The following OTOG variants were observed in gnomAD, a reference collection of about 807,000 sequenced individuals.
The protein encoded by OTOG is otogelin.
A neutral mutation model predicts 313.8 loss-of-function variants in OTOG; 296 were observed. The ratio of observed to expected loss-of-function variants is 0.94; its 90% CI spans 0.86 to 1.04. The LOEUF (loss-of-function observed/expected upper bound fraction) is 1.04, where lower values mean the gene tolerates loss of function less well. Among genes scored for constraint, OTOG ranks in the 50% least tolerant of loss-of-function variants. The pLI, the probability that OTOG is intolerant of heterozygous loss-of-function variation, is 0.00. For missense variants in OTOG, 3,948 were observed against 3,840.1 expected (o/e 1.03, Z -0.74); for synonymous variants, 1,533 against 1,554.9 (o/e 0.99, Z 0.33).
chr11:17,560,781 C>A lies in OTOG; in HGVS notation c.1415C>A (p.Pro472Gln). 6.4e-7 allele frequency: 1 copy of A among 1,550,788 alleles called. No homozygotes were observed. Among genetic ancestry groups the A allele is most frequent in the East Asian group, 2.4e-5 (1 of 40,916 alleles). ...CPCEFHGTLYPPGSVVKEDCN... is the reference protein window; with the variant it reads ...CPCEFHGTLYQPGSVVKEDCN... ...TGTGAGTTTCACGGGACTCTGTACC[C>A]ACCTGGCTCTGTGGTGAAGGAAGAC... The change falls in exon 13 of 56, where the codon CCA (proline) becomes CAA (glutamine). Residue 472 changes from proline (P) to glutamine (Q), a missense_variant. Coordinates refer to ENST00000399397, the MANE Select transcript of OTOG (RefSeq NM_001292063.2).
intron 39 of OTOG, among the ~76,000 whole-genome samples, chr11:17,626,948 G>C (rs1441999446): frequency 6.6e-6 from 1 of 152,284 alleles, no homozygotes; most frequent in South Asian, 2.1e-4. Context: ...AAATGCTACT[G>C]ATTTTTCTAT....
chr11:17,564,015 A>G (rs1178104896), intron 15 of OTOG, among the ~76,000 whole-genome samples: 1 of 151,984 alleles, frequency 6.6e-6, no homozygotes, highest in East Asian at 1.9e-4. Flanking sequence ...TCTCTCTACC[A>G]TGTCTCTGAT....
rs1429660705 is a variant in OTOG at position 17,578,507 on chromosome 11, G to A, written c.2740G>A (p.Gly914Ser). ...SVSARGPCLS[G>S]CACPQGLLRH... ...GTCAGCCCGTGGCCCCTGCCTCTCG[G>A]GCTGCGCCTGTCCCCAGGGGTAAGT... The change falls in exon 23 of 56, where the codon GGC becomes AGC. Residue 914 changes from glycine (G) to serine (S), a missense_variant. Coordinates refer to ENST00000399397, the MANE Select transcript of OTOG (RefSeq NM_001292063.2). The A allele has an allele frequency of 1.3e-6, 2 of 1,537,126 alleles. No individual in the cohort carries two copies. Among genetic ancestry groups the A allele is most frequent in the Non-Finnish European group, 1.7e-6 (2 of 1,146,228 alleles).
At chr11:17,645,482 T>C (rs1848054400) in intron 54 of OTOG, 82 bp from the exon 55 acceptor site, 2 of 1,318,148 alleles carry the variant, frequency 1.5e-6, no homozygotes, top group African/African-American at 1.5e-5. Context: ...AGCATGACAC[T>C]AACTGCCCTG....
At chr11:17,574,002 C>T (rs1359031542) in intron 19 of OTOG, among the ~76,000 whole-genome samples, 1 of 152,216 alleles carries the variant, frequency 6.6e-6, no homozygotes, top group Non-Finnish European at 1.5e-5. Context: ...TCAAAAGATT[C>T]ACACATCTGG....
Position 17,610,153 on chromosome 11 carries a change from A to G in OTOG, c.4853A>G (p.Lys1618Arg). ...PPAPRFPLMT[K>R]AVTVRGHGSL... is the part of the protein sequence containing the mutation. ...GCCCCTCGCTTCCCGCTCATGACCA[A>G]GGCTGTGACAGTCCGAGGCCATGGC... Residue 1618 changes from lysine to arginine, a missense_variant, in exon 36 of 56, where the codon AAG becomes AGG. Physicochemically the swap from Lys to Arg is conservative, Grantham distance 26 (BLOSUM62 2). Transcript: ENST00000399397. 3.2e-6 allele frequency: 5 copies of G among 1,550,500 alleles called. No homozygotes were observed. Among genetic ancestry groups the G allele is most frequent in the Non-Finnish European group, 4.4e-6 (5 of 1,146,964 alleles).
intron 34 of OTOG, among the ~76,000 whole-genome samples, chr11:17,608,709 G>A (rs886269259): frequency 2.0e-5 from 3 of 152,160 alleles, no homozygotes; most frequent in Non-Finnish European, 2.9e-5. Context: ...CATGTGTGAG[G>A]GTGTATTCAC....
chr11:17,612,936 A>T (rs1853598474), intron 38 of OTOG, among the ~76,000 whole-genome samples, 171 bp downstream of exon 38: 1 of 152,100 alleles, frequency 6.6e-6, no homozygotes, highest in Non-Finnish European at 1.5e-5. Context: ...GCTCCCTTGG[A>T]GGCTGGGGAA....
At chr11:17,622,295 C>G (rs1323851207) in intron 39 of OTOG, among the ~76,000 whole-genome samples, 1 of 152,144 alleles carries the variant, frequency 6.6e-6, no homozygotes, top group African/African-American at 2.4e-5. Flanking sequence ...GATTTTGACA[C>G]AGGCATTCAA....
chr11:17,588,998 T>A (rs1311605323), intron 24 of OTOG, among the ~76,000 whole-genome samples: 1 of 152,130 alleles, frequency 6.6e-6, no homozygotes, highest in Non-Finnish European at 1.5e-5. Flanking sequence ...CCCTTTTACC[T>A]CAACCTGTGG....
At position 17,575,621 on chromosome 11, in the gene OTOG, G is replaced by T. The variant is rs144917080; in HGVS notation, c.2486+709G>T. Among the ~76,000 whole-genome samples the T allele has an allele frequency of 3.2e-4, 49 of 152,298 alleles. 1 individual carries two copies. Among genetic ancestry groups the T allele is most frequent in the Admixed American group, 5.9e-4 (9 of 15,300 alleles). The stretch of plus-strand genomic sequence containing the variant: ...TGGCAAGGTCCTTGGTCCCTTCCAG[G>T]CCTCTGTTTCTCCGTCTGTAAAATG... On this transcript the variant is annotated intron_variant, in intron 20 of 55. Coordinates refer to ENST00000399397, the MANE Select transcript of OTOG (RefSeq NM_001292063.2).
intron 39 of OTOG, among the ~76,000 whole-genome samples, chr11:17,620,991 C>T (rs1361833174): frequency 6.6e-6 from 1 of 152,096 alleles, no homozygotes; most frequent in African/African-American, 2.4e-5. Context: ...CTTCTGTTTT[C>T]CTCTATTTCT....
rs545896255 is a variant in OTOG at position 17,605,981 on chromosome 11, C to T, written c.4002C>T (p.Phe1334=). 668 of 1,550,522 alleles carry T rather than the reference C, an allele frequency of 4.3e-4. 1 individual carries two copies. Among genetic ancestry groups the T allele is most frequent in the Middle Eastern group, 1.0e-3 (6 of 6,014 alleles). ...ACACCTTCCAACAGCATGCCTCCTT[C>T]TTGCTGCACCGGGGGACACGGCAGG... ...GRDTFQQHAS[F]LLHRGTRQAG... The change falls in exon 33 of 56, where the codon TTC becomes TTT. Residue 1334 remains phenylalanine, a synonymous_variant. Transcript: ENST00000399397.
rs746613342 is a variant in OTOG, at chr11:17,573,127, G to A, written c.2130G>A (p.Ala710=). 24 of 1,547,112 alleles carry A rather than the reference G, an allele frequency of 1.6e-5. No individual in the cohort carries two copies. Among genetic ancestry groups the A allele is most frequent in the Non-Finnish European group, 2.0e-5 (23 of 1,146,926 alleles). ...ACSVLTGEMF[A]PCSAFLSPVP... is the part of the protein sequence containing the mutation. ...GCGTGCTCACGGGGGAGATGTTTGC[G>A]CCCTGCTCTGCGTTCCTGAGCCCCG... Residue 710 remains alanine, a synonymous_variant, in exon 19 of 56, where the codon GCG becomes GCA. Coordinates refer to ENST00000399397, the MANE Select transcript of OTOG (RefSeq NM_001292063.2).
At chr11:17,644,764 G>A (rs1848040815) in intron 54 of OTOG, among the ~76,000 whole-genome samples, 1 of 105,190 alleles carries the variant, frequency 9.5e-6, no homozygotes, top group Non-Finnish European at 1.8e-5. Context: ...TAAAGCTTAT[G>A]ATTCACATCG....
Position 17,557,258 on chromosome 11 carries a change from G to C in OTOG, c.800G>C (p.Gly267Ala). ...ATCAAGATGAGTCCAGAGCTTCTGG[G>C]CTGGACCCATGGGCTGTGTGGGAAC... ...VYIKMSPELL[G>A]WTHGLCGNNN... Residue 267 changes from glycine to alanine, a missense_variant, in exon 8 of 56, where the codon GGC (glycine) becomes GCC (alanine). Transcript: ENST00000399397. The C allele has an allele frequency of 6.4e-7, 1 of 1,550,624 alleles. No individual in the cohort carries two copies. Among genetic ancestry groups the C allele is most frequent in the Non-Finnish European group, 8.7e-7 (1 of 1,147,010 alleles).
intron 24 of OTOG, among the ~76,000 whole-genome samples, chr11:17,588,876 C>T (rs1852867220): frequency 6.6e-6 from 1 of 152,024 alleles, no homozygotes; most frequent in African/African-American, 2.4e-5. Context: ...TGTCTTTCTA[C>T]TCCACTCCCT....
chr11:17,559,059 G>A lies in OTOG; in HGVS notation c.1111G>A (p.Gly371Ser). The A allele has an allele frequency of 1.3e-6, 2 of 1,548,458 alleles. No homozygotes were observed. The highest frequency in any genetic ancestry group is 8.7e-7 in the Non-Finnish European group (1 of 1,146,892). The change falls in exon 11 of 56, where the codon GGT becomes AGT. Residue 371 changes from glycine to serine, a missense_variant. Physicochemically the swap from Gly to Ser is moderately conservative, Grantham distance 56 (BLOSUM62 0). Coordinates refer to ENST00000399397, the MANE Select transcript of OTOG (RefSeq NM_001292063.2). ...CTTGGTTTCTCTGCACAGATCAATGGGTGATGTAGCCACCTGGTGCCGGGC... is the reference window on the plus strand; with the variant it reads ...CTTGGTTTCTCTGCACAGATCAATGAGTGATGTAGCCACCTGGTGCCGGGC... ...SCTSDLCQSM[G>S]DVATWCRALA...
intron 29 of OTOG, 137 bp from the exon 30 acceptor site, chr11:17,596,714 C>A: frequency 2.7e-6 from 2 of 735,598 alleles, no homozygotes; most frequent in Non-Finnish European, 4.5e-6. Flanking sequence ...GTCCTTCTCC[C>A]TTCACACCTC....
Sources: allele counts gnomAD v4.1 joint callset (sites outside exome capture counted in the v4.1 genomes callset), GRCh38; gene constraint gnomAD v4.1.1; transcripts MANE v1.5; gene names NCBI Gene and HGNC (gene_info 2026-07-23, HGNC 2026-07-21).